The following HOOK2 variants were observed in gnomAD, a reference collection of about 807,000 sequenced individuals.
HOOK2 encodes the protein protein Hook homolog 2.
A neutral mutation model predicts 111.9 loss-of-function variants in HOOK2; 108 were observed. The observed-to-expected ratio is 0.96, with a 90% CI of 0.83 to 1.13. The LOEUF is 1.13. Among genes scored for constraint, HOOK2 ranks in the 50% most tolerant of loss-of-function variants. HOOK2 has a pLI of 0.00. For synonymous variants in HOOK2, 405 were observed against 394.3 expected (o/e 1.03, Z -0.32); for missense variants, 978 against 951.3 (o/e 1.03, Z -0.37).
Position 12,790,025 on chromosome 19 carries a change from T to C in HOOK2, n.42-15800A>G, listed in dbSNP as rs896646091. Among the ~76,000 whole-genome samples, 1 of 152,158 alleles carries C rather than the reference T, an allele frequency of 6.6e-6. No homozygotes were observed. The highest frequency in any genetic ancestry group is 2.4e-5 in the African/African-American group (1 of 41,518). ...GCCCGCGGACTCCCGCCTGTTGCCA[T>C]GGCGACCAGGCCCCGCTCCTCGGCT... On this transcript the variant is annotated intron_variant and non_coding_transcript_variant, in intron 3 of 3. Transcript: ENST00000589765. The surrounding 1 kb of genome is among the most constrained non-coding windows in gnomAD (Gnocchi z 7.2).
At chr19:12,776,524 A>G (rs1158062671), upstream of HOOK2, among the ~76,000 whole-genome samples, 1 of 151,654 alleles carries the variant, frequency 6.6e-6, no homozygotes, top group Non-Finnish European at 1.5e-5. Flanking sequence ...TACTAAAAAT[A>G]CTAAAAATTA....
At position 12,790,198 on chromosome 19, in the gene HOOK2, C is replaced by T. The variant is rs940975949; in HGVS notation, n.42-15973G>A. Among the ~76,000 whole-genome samples, 34 of 152,208 alleles carry T rather than the reference C, an allele frequency of 2.2e-4. No homozygotes were observed. Among genetic ancestry groups the T allele is most frequent in the African/African-American group, 7.0e-4 (29 of 41,452 alleles). On this transcript the variant is annotated intron_variant and non_coding_transcript_variant, in intron 3 of 3. Transcript: ENST00000589765. The surrounding 1 kb of genome is among the most constrained non-coding windows in gnomAD (Gnocchi z 7.2). ...CTGGGCGGGCTCCAAGCACCCGGGCCTCCGCGGGGGCTCGCACGCCCAGGT... is the reference window on the plus strand; with the variant it reads ...CTGGGCGGGCTCCAAGCACCCGGGCTTCCGCGGGGGCTCGCACGCCCAGGT...
intron 3 of HOOK2, 192 bp from the exon 4 acceptor site, chr19:12,773,236 T>A: frequency 1.1e-5 from 4 of 348,288 alleles, no homozygotes; most frequent in Admixed American, 4.8e-5. Flanking sequence ...TGTTTCTTTT[T>A]TTTTTTTTTT....
chr19:12,771,015 A>T lies in HOOK2; in HGVS notation c.819T>A (p.Val273=). 6.2e-7 allele frequency: 1 copy of T among 1,612,970 alleles called. No homozygotes were observed. The highest frequency in any genetic ancestry group is 1.1e-5 in the South Asian group (1 of 91,012). Residue 273 remains valine (V), a synonymous_variant, in exon 10 of 23, where the codon GTT becomes GTA. Coordinates refer to ENST00000397668, the MANE Select transcript of HOOK2 (RefSeq NM_013312.3). The part of the protein sequence containing the change: ...RLRCAELERE[V]AELQHRNQAL... ...CCTGGTTCCGGTGCTGCAGCTCCGC[A>T]ACCTCCCTCTCCAGCTCGGCACAGC...
At chr19:12,769,123 G>C (rs1249167265) in intron 11 of HOOK2, among the ~76,000 whole-genome samples, 1 of 151,680 alleles carries the variant, frequency 6.6e-6, no homozygotes, top group African/African-American at 2.4e-5. Context: ...CCACCACCAC[G>C]CCCGGCTAAT....
chr19:12,775,155 G>C, intron 1 of HOOK2: 1 of 979,808 alleles, frequency 1.0e-6, no homozygotes, highest in Non-Finnish European at 1.2e-6. Context: ...GGCACCACGT[G>C]ACCAGGCCAA....
rs757105921 is a variant in HOOK2 at position 12,765,088 on chromosome 19, G to A, written c.1641-7C>T. ...TGCCTCATGAAGCTTCTGCCTGTGG[G>A]CCGGGGATGAGCAGCAGTGGGCTGA... On this transcript the variant is annotated splice_region_variant and splice_polypyrimidine_tract_variant and intron_variant, in intron 18 of 22. Transcript: ENST00000397668. 2.5e-6 allele frequency: 4 copies of A among 1,614,020 alleles called. No individual in the cohort carries two copies. The Admixed American group carries it at 6.7e-5, about 27-fold the overall frequency.
At chr19:12,785,335 C>T (rs905968828) in intron 3 of HOOK2, among the ~76,000 whole-genome samples, 10 of 151,472 alleles carry the variant, frequency 6.6e-5, no homozygotes, top group African/African-American at 2.4e-5. Flanking sequence ...TACACACATA[C>T]ATACAGACCA....
chr19:12,763,105 A>G lies in HOOK2; in HGVS notation c.*177T>C, dbSNP rs1968043113. 6.5e-6 allele frequency: 4 copies of G among 619,070 alleles called. No homozygotes were observed. The South Asian group carries it at 9.0e-5, about 14-fold the overall frequency. 38.3% of individuals were successfully genotyped at this position (619,070 alleles called of 1,614,324 possible). ...TCAACAACAAGAATCACATTGCTAA[A>G]AAGAACAGGCCTATATCTACCTCCC... is the stretch of plus-strand genomic sequence containing the variant. On this transcript the variant is annotated 3_prime_UTR_variant, in exon 23 of 23. Coordinates refer to ENST00000397668, the MANE Select transcript of HOOK2 (RefSeq NM_013312.3).
chr19:12,791,578 G>A lies in HOOK2; in HGVS notation n.42-17353C>T. The A allele has an allele frequency of 1.9e-6, 1 of 515,798 alleles. No homozygotes were observed. The highest frequency in any genetic ancestry group is 2.9e-5 in the South Asian group (1 of 34,418). The allele number at this position is 515,798 out of a possible 1,614,324, so 32.0% of individuals were successfully genotyped here. A position where few individuals can be genotyped will look rare whatever the true frequency, so the allele number is the denominator to read the frequency against. On this transcript the variant is annotated intron_variant and non_coding_transcript_variant, in intron 3 of 3. Coordinates refer to the HOOK2 transcript ENST00000589765. The surrounding 1 kb of genome is among the most constrained non-coding windows in gnomAD (Gnocchi z 7.0). ...CAGGAAAGCTATCGCGCCAGAGAGGGCGACGGGGGCTCGGGAAGCCTGACA... is the reference window on the plus strand; with the variant it reads ...CAGGAAAGCTATCGCGCCAGAGAGGACGACGGGGGCTCGGGAAGCCTGACA...
chr19:12,764,966 C>A lies in HOOK2; in HGVS notation c.1723+33G>T, dbSNP rs759728195. On this transcript the variant is annotated intron_variant, in intron 19 of 22. Coordinates refer to ENST00000397668, the MANE Select transcript of HOOK2 (RefSeq NM_013312.3). ...GCTCCACGCTGCTGGGCTCTGGGAT[C>A]TCCCCACCCTCTGGTCACTAGGTCC... 10 of 1,613,862 alleles carry A rather than the reference C, an allele frequency of 6.2e-6. No individual in the cohort carries two copies. The East Asian group carries it at 1.3e-4, about 22-fold the overall frequency.
chr19:12,775,286 C>T, intron 1 of HOOK2, 119 bp downstream of exon 1: 1 of 1,487,354 alleles, frequency 6.7e-7, no homozygotes, highest in Non-Finnish European at 8.9e-7. Flanking sequence ...AACGGTCCAG[C>T]AAGTCGACGA....
At chr19:12,783,251 C>T (rs1316154132), upstream of HOOK2, among the ~76,000 whole-genome samples, 1 of 152,020 alleles carries the variant, frequency 6.6e-6, no homozygotes, top group Non-Finnish European at 1.5e-5. Flanking sequence ...CGGGGAAGGC[C>T]TCCCCCACCA....
chr19:12,768,292 C>G (rs1968217479), intron 11 of HOOK2, among the ~76,000 whole-genome samples, 169 bp from the exon 12 acceptor site: 1 of 152,086 alleles, frequency 6.6e-6, no homozygotes, highest in Non-Finnish European at 1.5e-5. Context: ...ACAGGGTCTC[C>G]CTCTGTTGCC....
chr19:12,765,170 A>C (rs1968111443), intron 18 of HOOK2, 89 bp from the exon 19 acceptor site: 1 of 1,303,128 alleles, frequency 7.7e-7, no homozygotes, highest in Non-Finnish European at 1.1e-6. Flanking sequence ...CCCGCCAGCC[A>C]GAAATGCCCC....
upstream of HOOK2, among the ~76,000 whole-genome samples, chr19:12,782,721 G>A (rs1968617218): frequency 6.6e-6 from 1 of 152,188 alleles, no homozygotes; most frequent in Non-Finnish European, 1.5e-5. Flanking sequence ...CCCCGCCCCG[G>A]CCGGGACCTT....
At chr19:12,781,697 A>G (rs1403948177), upstream of HOOK2, among the ~76,000 whole-genome samples, 1 of 151,794 alleles carries the variant, frequency 6.6e-6, no homozygotes, top group East Asian at 1.9e-4. Flanking sequence ...CGTGCCCCCT[A>G]TTTGTGGTAA....
intron 7 of HOOK2, 132 bp from the exon 8 acceptor site, chr19:12,771,609 G>A: frequency 1.3e-6 from 1 of 749,508 alleles, no homozygotes; most frequent in South Asian, 1.7e-5. Flanking sequence ...GGCGCCGGGT[G>A]CAGTGGCTCG....
intron 8 of HOOK2, 25 bp downstream of exon 8, chr19:12,771,372 G>A (rs986398588): frequency 6.2e-7 from 1 of 1,610,258 alleles, no homozygotes; most frequent in Non-Finnish European, 8.5e-7. Flanking sequence ...CTACTCAAGT[G>A]ACCCTGCCCC....
Sources: gnomAD v4.1 joint callset for allele counts (sites outside exome capture counted in the v4.1 genomes callset) on GRCh38, gnomAD v4.1.1 for gene constraint, Gnocchi (gnomAD v3.1) non-coding constraint, MANE v1.5 for transcripts, NCBI Gene and HGNC (gene_info 2026-07-23, HGNC 2026-07-21) for gene names.